Variants in ANXA8 observed in about 807,000 individuals in gnomAD.
ANXA8 encodes the protein annexin A8.
ANXA8 carries 9 observed loss-of-function variants against 26.8 expected under a neutral mutation model. That is an observed-to-expected ratio of 0.34 (90% CI 0.20 to 0.59). The LOEUF (loss-of-function observed/expected upper bound fraction) is 0.59. Among genes scored for constraint, ANXA8 ranks in the 20% least tolerant of loss-of-function variants. The pLI is 0.84. For missense variants in ANXA8, 83 were observed against 238.5 expected, an observed-to-expected ratio of 0.35 and a Z score of 4.29; for synonymous variants, 39 against 94.8, an observed-to-expected ratio of 0.41 and a Z score of 3.42.
the ANXA8 span, among the ~76,000 whole-genome samples, chr10:47,940,921 G>T: frequency 1.4e-5 from 2 of 141,312 alleles, no homozygotes; most frequent in African/African-American, 2.8e-5. Context: ...AGAGAAAGAG[G>T]GAGGGAGGAA....
upstream of ANXA8, among the ~76,000 whole-genome samples, chr10:47,486,808 A>T (rs1840057545): frequency 7.6e-6 from 1 of 130,846 alleles, no homozygotes; most frequent in Non-Finnish European, 1.6e-5. Flanking sequence ...ACAATAAAAA[A>T]TAATAATAAT....
At chr10:47,565,694 C>G in the ANXA8 span, 1 of 449,772 alleles carries the variant, frequency 2.2e-6, no homozygotes, top group Non-Finnish European at 3.6e-6. Context: ...CGCCACCGCT[C>G]GACTCCCTGA....
the ANXA8 span, among the ~76,000 whole-genome samples, chr10:47,664,247 G>A: frequency 5.8e-3 from 886 of 151,814 alleles, no homozygotes; most frequent in Middle Eastern, 0.017. Context: ...GCGTGGTGGC[G>A]GGTGCCTGTC....
At chr10:47,510,359 T>A in the ANXA8 span, 1 of 1,286,340 alleles carries the variant, frequency 7.8e-7, no homozygotes, top group Non-Finnish European at 1.0e-6. Context: ...CTAAGATATG[T>A]CTTACACTCC....
At chr10:47,905,613 G>A in the ANXA8 span, among the ~76,000 whole-genome samples, 1 of 150,642 alleles carries the variant, frequency 6.6e-6, no homozygotes, top group African/African-American at 2.5e-5. Flanking sequence ...GTAGCTCAGA[G>A]AAAGGAAAAT....
the ANXA8 span, among the ~76,000 whole-genome samples, chr10:47,989,435 A>T: frequency 8.1e-6 from 1 of 124,086 alleles, no homozygotes; most frequent in African/African-American, 2.8e-5. Flanking sequence ...AGCATTTGTA[A>T]GCAGCTCCCG....
chr10:47,681,320 C>T, the ANXA8 span, among the ~76,000 whole-genome samples: 902 of 150,152 alleles, frequency 6.0e-3, 12 homozygotes, highest in African/African-American at 0.02. Flanking sequence ...CTGAGTATGA[C>T]TTTTCACAAA....
the ANXA8 span, chr10:47,599,925 G>A: frequency 1.3e-5 from 2 of 149,854 alleles, no homozygotes; most frequent in Non-Finnish European, 2.9e-5. Flanking sequence ...GGCCGTCGCC[G>A]GCACCCTGTC....
the ANXA8 span, among the ~76,000 whole-genome samples, chr10:47,771,987 C>T: frequency 6.6e-6 from 1 of 151,696 alleles, no homozygotes; most frequent in Admixed American, 6.6e-5. Context: ...AGAAGATTTG[C>T]TTTCGTATTT....
the ANXA8 span, chr10:47,986,887 G>A: frequency 4.4e-6 from 2 of 457,984 alleles, no homozygotes; most frequent in East Asian, 6.6e-5. Flanking sequence ...CCTGACTGCC[G>A]GTTGGAGGCT....
chr10:47,707,532 G>C, the ANXA8 span, among the ~76,000 whole-genome samples: 1 of 141,186 alleles, frequency 7.1e-6, no homozygotes, highest in Admixed American at 7.3e-5. Context: ...GACTACAGGT[G>C]CATGCCCCCA....
chr10:47,595,234 A>T, the ANXA8 span, among the ~76,000 whole-genome samples: 1 of 148,514 alleles, frequency 6.7e-6, no homozygotes, highest in Admixed American at 6.6e-5. Flanking sequence ...ATTTATCACC[A>T]CTAGACTAGC....
In ANXA8 at chr10:47,483,372, G is replaced by A. The variant is rs1839910284; in HGVS notation, c.21+541C>T. 2.2e-5 allele frequency among the ~76,000 whole-genome samples: 3 copies of A among 135,012 alleles called. No individual in the cohort carries two copies. The South Asian group carries it at 7.2e-4, about 32-fold the overall frequency. 88.6% of individuals were successfully genotyped at this position (135,012 alleles called of 152,430 possible). On this transcript the variant is annotated intron_variant, in intron 1 of 11. Transcript: ENST00000585281. The stretch of plus-strand genomic sequence containing the variant: ...AAGGTAAAGCCTAACTCCTCAGCCT[G>A]CCAGGCAAGGCCTTTCAGGACCTGG...
the ANXA8 span, among the ~76,000 whole-genome samples, chr10:47,680,430 T>C: frequency 2.6e-5 from 4 of 151,040 alleles, no homozygotes; most frequent in African/African-American, 9.8e-5. Flanking sequence ...AGGTCAGGAG[T>C]TCAAGACTAG....
chr10:47,682,469 C>CTTTTTTTTT, the ANXA8 span, among the ~76,000 whole-genome samples: 2 of 121,652 alleles, frequency 1.6e-5, no homozygotes, highest in African/African-American at 3.4e-5. Context: ...CTTTCTTTTT[C>CTTTTTTTTT]TTTTTTTTTT....
the ANXA8 span, among the ~76,000 whole-genome samples, chr10:47,734,886 G>GC: frequency 7.9e-6 from 1 of 126,242 alleles, no homozygotes; most frequent in Admixed American, 7.8e-5. Flanking sequence ...AGGCGTGGTG[G>GC]TGCACACCTG....
At chr10:47,645,383 C>T in the ANXA8 span, among the ~76,000 whole-genome samples, 2 of 147,786 alleles carry the variant, frequency 1.4e-5, no homozygotes, top group East Asian at 2.0e-4. Context: ...ACACAAAGAC[C>T]ATAGATGGGG....
the ANXA8 span, among the ~76,000 whole-genome samples, chr10:47,959,775 C>T: frequency 3.3e-5 from 5 of 150,180 alleles, no homozygotes; most frequent in African/African-American, 1.2e-4. Flanking sequence ...CTGTCCCATC[C>T]CCTGGAATCT....
chr10:47,486,898 G>A (rs1840059383), upstream of ANXA8, among the ~76,000 whole-genome samples: 1 of 148,084 alleles, frequency 6.8e-6, no homozygotes, highest in Non-Finnish European at 1.5e-5. Context: ...GCTTGAACCT[G>A]GGAGGCAGAG....
Sources: gnomAD v4.1 joint callset for allele counts (sites outside exome capture counted in the v4.1 genomes callset) on GRCh38, gnomAD v4.1.1 for gene constraint, MANE v1.5 for transcripts, NCBI Gene and HGNC (gene_info 2026-07-23, HGNC 2026-07-21) for gene names.